The following ZDHHC14 variants were observed in gnomAD, a reference collection of about 807,000 sequenced individuals.
ZDHHC14 encodes the protein palmitoyltransferase ZDHHC14.
ZDHHC14 carries 16 observed loss-of-function variants against 47.7 expected under a neutral mutation model. That is an observed-to-expected ratio of 0.34 (90% CI 0.23 to 0.51). ZDHHC14 has a LOEUF of 0.51. Among genes scored for constraint, ZDHHC14 ranks in the 20% least tolerant of loss-of-function variants. The pLI, the probability that ZDHHC14 is intolerant of heterozygous loss-of-function variation, is 0.97. For synonymous variants in ZDHHC14, 293 were observed against 278.9 expected (o/e 1.05, Z -0.50); for missense variants, 515 against 662.5 (o/e 0.78, Z 2.44).
At chr6:157,477,416 AGTT>A (rs897424234) in intron 1 of ZDHHC14, among the ~76,000 whole-genome samples, 2 of 152,194 alleles carry the variant, frequency 1.3e-5, no homozygotes, top group African/African-American at 4.8e-5. Flanking sequence ...TAGGAAAATA[AGTT>A]GTTGTTTGTG....
intron 1 of ZDHHC14, among the ~76,000 whole-genome samples, chr6:157,488,177 G>T (rs1018388910): frequency 1.3e-4 from 20 of 152,256 alleles, no homozygotes; most frequent in African/African-American, 4.6e-4. Context: ...ACCTTGCCTG[G>T]CATTTGGCAC....
chr6:157,557,203 C>T (rs1026506542), intron 2 of ZDHHC14, among the ~76,000 whole-genome samples: 2 of 152,180 alleles, frequency 1.3e-5, no homozygotes, highest in African/African-American at 4.8e-5. Context: ...CACAGCCTCT[C>T]GCACGCTGTA....
rs77235411 is a variant in ZDHHC14, at chr6:157,667,770, G to A, written c.1069-4954G>A. Among the ~76,000 whole-genome samples the A allele has an allele frequency of 6.5e-3, 988 of 152,272 alleles. 13 individuals are homozygous for A. The highest frequency in any genetic ancestry group is 0.023 in the African/African-American group (942 of 41,540). Reference sequence around the variant, plus strand: ...ATCGCCCTTGGAATTCTGGCAGAGTGGAAAATTAGGAAAAGCTCTTTTAAA... The same window carrying A: ...ATCGCCCTTGGAATTCTGGCAGAGTAGAAAATTAGGAAAAGCTCTTTTAAA... On this transcript the variant is annotated intron_variant, in intron 8 of 8. Transcript: ENST00000359775.
At chr6:157,517,955 G>A (rs1583742176) in intron 1 of ZDHHC14, among the ~76,000 whole-genome samples, 1 of 152,320 alleles carries the variant, frequency 6.6e-6, no homozygotes, top group Non-Finnish European at 1.5e-5. Flanking sequence ...TGGGAACTGA[G>A]AAAGGGTCAG....
At chr6:157,511,425 G>C (rs9364523) in intron 1 of ZDHHC14, among the ~76,000 whole-genome samples, 62,800 of 150,882 alleles carry the variant, frequency 0.42, 13,333 homozygotes, top group East Asian at 0.5. Flanking sequence ...TTGTTGCCCA[G>C]GCTGGAGTGC....
intron 3 of ZDHHC14, among the ~76,000 whole-genome samples, chr6:157,626,317 T>C (rs971233314): frequency 6.6e-6 from 1 of 152,134 alleles, no homozygotes; most frequent in African/African-American, 2.4e-5. Context: ...CTCATGCCCA[T>C]TTTCTGTAGT....
chr6:157,499,295 T>C (rs1256472632), intron 1 of ZDHHC14, among the ~76,000 whole-genome samples: 1 of 152,098 alleles, frequency 6.6e-6, no homozygotes, highest in Admixed American at 6.5e-5. Flanking sequence ...AAGTCCAAGA[T>C]CAAGAGTCCA....
chr6:157,655,351 A>G (rs572471302), intron 8 of ZDHHC14, among the ~76,000 whole-genome samples: 48 of 152,314 alleles, frequency 3.2e-4, no homozygotes, highest in Middle Eastern at 3.4e-3. Context: ...TTGATCATCC[A>G]TCTACCCAAG....
At chr6:157,549,107 G>A (rs1042019226) in intron 2 of ZDHHC14, among the ~76,000 whole-genome samples, 2 of 152,198 alleles carry the variant, frequency 1.3e-5, no homozygotes, top group Non-Finnish European at 2.9e-5. Context: ...GCTCTTACCC[G>A]CTGCACAGTG....
chr6:157,624,289 G>A (rs1045012473), intron 3 of ZDHHC14, among the ~76,000 whole-genome samples: 3 of 152,186 alleles, frequency 2.0e-5, no homozygotes, highest in African/African-American at 7.2e-5. Context: ...GAGGCAGGAG[G>A]GTGGCTCTCC....
chr6:157,432,711 T>G (rs1478972445), intron 1 of ZDHHC14, among the ~76,000 whole-genome samples: 1 of 152,206 alleles, frequency 6.6e-6, no homozygotes, highest in Non-Finnish European at 1.5e-5. Flanking sequence ...CAGAGCTGTT[T>G]CCCCAGGATT....
chr6:157,542,799 T>C, intron 2 of ZDHHC14, 54 bp downstream of exon 2: 1 of 1,585,812 alleles, frequency 6.3e-7, no homozygotes, highest in Middle Eastern at 1.8e-4. Context: ...TGGGCCCAGC[T>C]ACAGTGGGGA....
At chr6:157,540,610 C>A (rs367774433) in intron 1 of ZDHHC14, among the ~76,000 whole-genome samples, 1 of 152,288 alleles carries the variant, frequency 6.6e-6, no homozygotes, top group Admixed American at 6.5e-5. Flanking sequence ...CGTTGTCCAG[C>A]TGTGCCCTCG....
chr6:157,577,306 A>G (rs1783345278), intron 2 of ZDHHC14, among the ~76,000 whole-genome samples: 1 of 152,238 alleles, frequency 6.6e-6, no homozygotes, highest in Non-Finnish European at 1.5e-5. Flanking sequence ...GCTATTGTGA[A>G]TAGTGCTACA....
intron 1 of ZDHHC14, among the ~76,000 whole-genome samples, chr6:157,386,916 C>CT (rs1282980941): frequency 6.6e-6 from 1 of 152,202 alleles, no homozygotes; most frequent in East Asian, 1.9e-4. Flanking sequence ...AAATATTAAA[C>CT]TTTCATAGTC....
intron 3 of ZDHHC14, among the ~76,000 whole-genome samples, chr6:157,619,548 G>A (rs1785102732): frequency 6.6e-6 from 1 of 152,236 alleles, no homozygotes; most frequent in South Asian, 2.1e-4. Flanking sequence ...GCCAGGTGGT[G>A]GCAAGGCCAG....
chr6:157,579,613 A>T (rs1306692466), intron 2 of ZDHHC14, among the ~76,000 whole-genome samples: 3 of 152,168 alleles, frequency 2.0e-5, no homozygotes, highest in African/African-American at 4.8e-5. Flanking sequence ...TCCCTGGTTT[A>T]GCTGTATGCC....
chr6:157,560,964 T>C (rs1217168395), intron 2 of ZDHHC14, among the ~76,000 whole-genome samples: 3 of 152,130 alleles, frequency 2.0e-5, no homozygotes, highest in Non-Finnish European at 4.4e-5. Context: ...AAAGAAGAAA[T>C]TGAACAAGAC....
At position 157,384,389 on chromosome 6, in the gene ZDHHC14, C is replaced by CA. The variant is rs1777272350; in HGVS notation, c.245+2127dup. The stretch of plus-strand genomic sequence containing the variant: ...CTGCGTGTGTTTTTTCAAGAGTTCC[C>CA]AAAAGTCCTCACTAGCAGGTTGTTA... On this transcript the variant is annotated intron_variant, in intron 1 of 8. Coordinates refer to ENST00000359775, the MANE Select transcript of ZDHHC14 (RefSeq NM_024630.3). 3.3e-5 allele frequency among the ~76,000 whole-genome samples: 5 copies of CA among 152,262 alleles called. No homozygotes were observed. The East Asian group carries it at 9.6e-4, about 29-fold the overall frequency.
Sources: allele counts gnomAD v4.1 joint callset (sites outside exome capture counted in the v4.1 genomes callset), GRCh38; gene constraint gnomAD v4.1.1; transcripts MANE v1.5; gene names NCBI Gene and HGNC (gene_info 2026-07-23, HGNC 2026-07-21).